Variants in MRTFB observed in about 807,000 individuals in gnomAD.
MRTFB encodes myocardin related transcription factor B, also known as myocardin-related transcription factor B.
Under a neutral mutation model 104.2 loss-of-function variants are expected in MRTFB, and 29 were observed. The observed-to-expected ratio is 0.28, with a 90% CI of 0.21 to 0.38. The LOEUF is 0.38. Ranked by LOEUF, MRTFB falls within the 10% of genes least tolerant of loss-of-function variation. The probability of loss-of-function intolerance (pLI) is 1.00; values close to 1 mark genes in which losing one functional copy is unlikely to be tolerated. For missense variants in MRTFB, 1,270 were observed against 1,341.6 expected (o/e 0.95, Z 0.83); for synonymous variants, 535 against 519.5 (o/e 1.03, Z -0.41).
rs146574120 is a variant in MRTFB, at chr16:14,245,915, T to C, written c.1212+255T>C. Among the ~76,000 whole-genome samples, 667 of 152,326 alleles carry C rather than the reference T, an allele frequency of 4.4e-3. 4 individuals are homozygous for C. Among genetic ancestry groups the C allele is most frequent in the African/African-American group, 0.012 (500 of 41,574 alleles). The stretch of plus-strand genomic sequence containing the variant: ...CTGCTGGATTCCAGAGGCTGTGATT[T>C]TTTTCTTCCCTGCTCAATGCCAAGT... On this transcript the variant is annotated intron_variant, in intron 11 of 16. Transcript: ENST00000571589.
the MRTFB span, among the ~76,000 whole-genome samples, chr16:14,033,986 C>T: frequency 2.6e-4 from 40 of 152,210 alleles, 1 homozygote; most frequent in Admixed American, 5.2e-4. Flanking sequence ...TATTTCTGCC[C>T]GCTGTGTGTG....
At chr16:14,203,659 C>A (rs1423529504) in intron 3 of MRTFB, among the ~76,000 whole-genome samples, 1 of 151,568 alleles carries the variant, frequency 6.6e-6, no homozygotes, top group Non-Finnish European at 1.5e-5. Context: ...ACAGATTAGC[C>A]GGGCATGGTG....
the MRTFB span, among the ~76,000 whole-genome samples, chr16:14,044,669 G>T: frequency 6.6e-6 from 1 of 152,082 alleles, no homozygotes; most frequent in Non-Finnish European, 1.5e-5. Flanking sequence ...TGCCCATAAG[G>T]TCATCATTGA....
At chr16:14,081,156 G>A (rs117809415) in intron 2 of MRTFB, among the ~76,000 whole-genome samples, 1 of 152,148 alleles carries the variant, frequency 6.6e-6, no homozygotes, top group African/African-American at 2.4e-5. Flanking sequence ...ATTTTTGCCA[G>A]CATTTGTTAC....
the MRTFB span, among the ~76,000 whole-genome samples, chr16:13,996,063 A>G: frequency 6.6e-6 from 1 of 152,126 alleles, no homozygotes; most frequent in Non-Finnish European, 1.5e-5. Flanking sequence ...CCTGAGGTCC[A>G]GAGTCCGAGA....
chr16:14,079,850 A>G (rs866016706), intron 2 of MRTFB, among the ~76,000 whole-genome samples: 2 of 152,200 alleles, frequency 1.3e-5, no homozygotes, highest in African/African-American at 4.8e-5. Context: ...AATGACTGCT[A>G]TTAATATTTT....
At chr16:14,235,688 T>TG (rs2042466371) in intron 9 of MRTFB, among the ~76,000 whole-genome samples, 1 of 152,174 alleles carries the variant, frequency 6.6e-6, no homozygotes, top group Non-Finnish European at 1.5e-5. Flanking sequence ...CCTTCACTTG[T>TG]GGGGGCTGAT....
At chr16:14,035,700 T>A in the MRTFB span, among the ~76,000 whole-genome samples, 3 of 151,188 alleles carry the variant, frequency 2.0e-5, no homozygotes, top group Non-Finnish European at 3.0e-5. Context: ...TTCTTTCTTT[T>A]AAAAAAAAAT....
rs767764617 is a variant in MRTFB, at chr16:14,249,080, A to G, written c.2402A>G (p.Lys801Arg). The G allele has an allele frequency of 1.2e-6, 2 of 1,613,368 alleles. No homozygotes were observed. Among genetic ancestry groups the G allele is most frequent in the African/African-American group, 1.3e-5 (1 of 74,974 alleles). ...HVLSQPQQVR[K>R]VFTNSASSNT... ...CTCAGTCAGCCTCAACAAGTCAGAA[A>G]GGTTTGTAAATGCCAAGGAGCAATA... The change falls in exon 13 of 17, where the codon AAG becomes AGG. Residue 801 changes from lysine to arginine, a missense_variant and splice_region_variant. Lys to Arg is a conservative substitution (Grantham distance 26). This residue lies in a region of MRTFB where 1,144 missense variants were observed against 1,131.5 expected (regional missense o/e 1.01). Coordinates refer to ENST00000571589, the MANE Select transcript of MRTFB (RefSeq NM_001308142.2).
chr16:14,113,940 A>G (rs1411861347), intron 2 of MRTFB, among the ~76,000 whole-genome samples: 1 of 152,202 alleles, frequency 6.6e-6, no homozygotes, highest in Non-Finnish European at 1.5e-5. Flanking sequence ...AATTACATAC[A>G]TAGAACTAAT....
At chr16:14,084,404 G>A (rs1268210597) in intron 2 of MRTFB, among the ~76,000 whole-genome samples, 1 of 152,138 alleles carries the variant, frequency 6.6e-6, no homozygotes, top group Non-Finnish European at 1.5e-5. Context: ...GCTGGGCATG[G>A]TGGCTCACAC....
At chr16:14,140,445 T>G (rs1597038852) in intron 2 of MRTFB, 99 bp from the exon 3 acceptor site, 1 of 824,744 alleles carries the variant, frequency 1.2e-6, no homozygotes, top group East Asian at 2.7e-5. Flanking sequence ...CATACAGCAG[T>G]AAAACTGGAC....
At position 14,228,853 on chromosome 16, in the gene MRTFB, G is replaced by A. The variant is rs180831519; in HGVS notation, c.694-5293G>A. On this transcript the variant is annotated intron_variant, in intron 8 of 16. Coordinates refer to ENST00000571589, the MANE Select transcript of MRTFB (RefSeq NM_001308142.2). The stretch of plus-strand genomic sequence containing the variant: ...ATACTGTGTGATTCCACTTATATAA[G>A]ATTCTTAGAGTAGTAAAAATCATAG... Among the ~76,000 whole-genome samples the A allele has an allele frequency of 5.6e-4, 86 of 152,222 alleles. 1 individual carries two copies. The highest frequency in any genetic ancestry group is 2.0e-3 in the African/African-American group (84 of 41,538).
At chr16:14,219,584 G>C (rs970497923) in intron 8 of MRTFB, among the ~76,000 whole-genome samples, 8 of 152,178 alleles carry the variant, frequency 5.3e-5, no homozygotes, top group Non-Finnish European at 1.0e-4. Context: ...AGTTAGAAAG[G>C]AATTTAGCAA....
upstream of MRTFB, among the ~76,000 whole-genome samples, chr16:14,069,133 C>A (rs1329488541): frequency 6.6e-6 from 1 of 152,226 alleles, no homozygotes; most frequent in East Asian, 1.9e-4. Flanking sequence ...CCACACCTGG[C>A]TAATTTTTGT....
At chr16:14,253,433 G>A (rs1260563343) in intron 15 of MRTFB, among the ~76,000 whole-genome samples, 3 of 152,154 alleles carry the variant, frequency 2.0e-5, no homozygotes, top group Non-Finnish European at 4.4e-5. Flanking sequence ...TCCCGCTCCC[G>A]TGTTCCATGG....
At chr16:14,010,701 T>TA in the MRTFB span, among the ~76,000 whole-genome samples, 1 of 152,022 alleles carries the variant, frequency 6.6e-6, no homozygotes, top group Non-Finnish European at 1.5e-5. Flanking sequence ...GCTGGGATTA[T>TA]AGGCATGAGC....
chr16:14,030,062 C>T, the MRTFB span, among the ~76,000 whole-genome samples: 7 of 152,012 alleles, frequency 4.6e-5, 1 homozygote, highest in African/African-American at 9.7e-5. Flanking sequence ...TCCATGGGCA[C>T]GATGAGGAGG....
intron 3 of MRTFB, among the ~76,000 whole-genome samples, chr16:14,193,349 C>A (rs2040280241): frequency 6.6e-6 from 1 of 151,730 alleles, no homozygotes; most frequent in Non-Finnish European, 1.5e-5. Context: ...GGTAAAAAGC[C>A]TTGCCTATGT....
Sources: allele counts gnomAD v4.1 joint callset (sites outside exome capture counted in the v4.1 genomes callset), GRCh38; gene constraint gnomAD v4.1.1; regional missense constraint gnomAD v4.1.1; transcripts MANE v1.5; gene names NCBI Gene and HGNC (gene_info 2026-07-23, HGNC 2026-07-21).